XPNPEP1: variants seen among roughly 807,000 people sequenced by gnomAD.
XPNPEP1 encodes the protein X-prolyl aminopeptidase 1.
A neutral mutation model predicts 92.4 loss-of-function variants in XPNPEP1; 39 were observed. The ratio of observed to expected loss-of-function variants is 0.42; its 90% CI spans 0.33 to 0.55. The LOEUF (loss-of-function observed/expected upper bound fraction) is 0.55. Ranked by LOEUF, XPNPEP1 falls within the 20% of genes least tolerant of loss-of-function variation. The probability of loss-of-function intolerance (pLI) is 0.08; values close to 1 mark genes in which losing one functional copy is unlikely to be tolerated. For missense variants in XPNPEP1, 654 were observed against 856.1 expected (o/e 0.76, Z 2.95); for synonymous variants, 307 against 299.4 (o/e 1.03, Z -0.26).
intron 3 of XPNPEP1, among the ~76,000 whole-genome samples, chr10:109,897,556 C>A (rs189529132): frequency 8.1e-4 from 123 of 152,220 alleles, no homozygotes; most frequent in East Asian, 5.6e-3. Flanking sequence ...TATCATCCCT[C>A]GCTAATCTAC....
intron 3 of XPNPEP1, among the ~76,000 whole-genome samples, chr10:109,903,264 A>T (rs941882701): frequency 2.0e-5 from 3 of 152,242 alleles, no homozygotes; most frequent in Non-Finnish European, 2.9e-5. Context: ...AGCAGGTCGA[A>T]TCTTTCTGTA....
chr10:109,865,814 G>A (rs1056704325), intron 20 of XPNPEP1, among the ~76,000 whole-genome samples: 7 of 152,194 alleles, frequency 4.6e-5, no homozygotes, highest in African/African-American at 1.2e-4. Flanking sequence ...CAAAACCTGC[G>A]GTGGTTAAAG....
In XPNPEP1 at chr10:109,891,532, G is replaced by A. The variant is rs115200519; in HGVS notation, c.415+190C>T. Reference sequence around the variant, plus strand: ...AGTAAAATAAGTATCCTGAACCAGCGTCCTCCAAAATTGAATGCACATTGG... The same window carrying A: ...AGTAAAATAAGTATCCTGAACCAGCATCCTCCAAAATTGAATGCACATTGG... On this transcript the variant is annotated intron_variant, in intron 5 of 20. Coordinates refer to ENST00000502935, the MANE Select transcript of XPNPEP1 (RefSeq NM_020383.4). 1,397 of 443,514 alleles carry A rather than the reference G, an allele frequency of 3.1e-3. 17 individuals are homozygous for A. The highest frequency in any genetic ancestry group is 0.024 in the Admixed American group (625 of 25,536). The allele number at this position is 443,514 out of a possible 1,614,324, so 27.5% of individuals were successfully genotyped here. A position where few individuals can be genotyped will look rare whatever the true frequency, so the allele number is the denominator to read the frequency against.
intron 5 of XPNPEP1, among the ~76,000 whole-genome samples, chr10:109,889,557 T>C (rs555631975): frequency 6.6e-6 from 1 of 152,366 alleles, no homozygotes; most frequent in Non-Finnish European, 1.5e-5. Flanking sequence ...ACGCTAGTCA[T>C]AGGACACTAT....
chr10:109,921,471 T>A (rs951411961), intron 1 of XPNPEP1, among the ~76,000 whole-genome samples: 1 of 152,184 alleles, frequency 6.6e-6, no homozygotes, highest in Non-Finnish European at 1.5e-5. Context: ...GCCTTCTCCC[T>A]CTTTTTCCAA....
intron 3 of XPNPEP1, among the ~76,000 whole-genome samples, chr10:109,900,621 G>C (rs544364936): frequency 6.6e-6 from 1 of 151,836 alleles, no homozygotes; most frequent in African/African-American, 2.4e-5. Context: ...CCTCCTCTCC[G>C]CTCCTAACCC....
chr10:109,894,489 T>G (rs1286543595), intron 3 of XPNPEP1, among the ~76,000 whole-genome samples: 1 of 150,942 alleles, frequency 6.6e-6, no homozygotes, highest in Non-Finnish European at 1.5e-5. Flanking sequence ...GGCATGATTG[T>G]GCCACTGTAT....
At chr10:109,917,819 C>G (rs1850274733) in intron 1 of XPNPEP1, among the ~76,000 whole-genome samples, 2 of 152,186 alleles carry the variant, frequency 1.3e-5, no homozygotes, top group Non-Finnish European at 2.9e-5. Flanking sequence ...TCACAACTGT[C>G]AACTGATTTT....
chr10:109,914,129 C>T (rs1850039071), intron 2 of XPNPEP1, among the ~76,000 whole-genome samples: 1 of 151,420 alleles, frequency 6.6e-6, no homozygotes, highest in African/African-American at 2.4e-5. Context: ...GTCGTTAGAG[C>T]AGTACTGGCT....
chr10:109,877,837 G>A lies in XPNPEP1; in HGVS notation c.1272C>T (p.Phe424=). ...RQQADFVDLS[F]PTISSTGPNG... ...TGGGTCCCGTACTGGAAATTGTTGG[G>A]AAGCTCAGGTCCACAAAGTCTGCCT... The change falls in exon 14 of 21, where the codon TTC becomes TTT. Residue 424 remains phenylalanine, a synonymous_variant. Coordinates refer to ENST00000502935, the MANE Select transcript of XPNPEP1 (RefSeq NM_020383.4). The A allele has an allele frequency of 6.2e-7, 1 of 1,614,236 alleles. No homozygotes were observed. The highest frequency in any genetic ancestry group is 2.2e-5 in the East Asian group (1 of 44,886).
intron 3 of XPNPEP1, among the ~76,000 whole-genome samples, chr10:109,906,752 T>C (rs1284892892): frequency 6.6e-6 from 1 of 152,156 alleles, no homozygotes; most frequent in Non-Finnish European, 1.5e-5. Flanking sequence ...GCTTCCCTGT[T>C]TCTTTGCCTT....
chr10:109,918,190 G>C (rs1336943977), intron 1 of XPNPEP1, among the ~76,000 whole-genome samples: 1 of 151,982 alleles, frequency 6.6e-6, no homozygotes, highest in Admixed American at 6.6e-5. Flanking sequence ...GGGAGGCCAA[G>C]GCAGGCAGAC....
At chr10:109,887,075 G>A (rs1451236427) in intron 7 of XPNPEP1, among the ~76,000 whole-genome samples, 1 of 152,098 alleles carries the variant, frequency 6.6e-6, no homozygotes, top group African/African-American at 2.4e-5. Flanking sequence ...CTGTGAGCAG[G>A]GTGGGCATCT....
chr10:109,868,467 G>A, intron 20 of XPNPEP1, 147 bp downstream of exon 20: 1 of 686,200 alleles, frequency 1.5e-6, no homozygotes, highest in South Asian at 2.2e-5. Context: ...AGGGCTTTCA[G>A]ACTCAACTGG....
Position 109,886,432 on chromosome 10 carries a change from A to T in XPNPEP1, c.653-91T>A, listed in dbSNP as rs1848393480. Reference sequence around the variant, plus strand: ...GAACCTACCCTAAACATCTTTAATCAGCACCATTTCTTACAGGAGCACGCT... The same window carrying T: ...GAACCTACCCTAAACATCTTTAATCTGCACCATTTCTTACAGGAGCACGCT... On this transcript the variant is annotated intron_variant, in intron 7 of 20. Coordinates refer to ENST00000502935, the MANE Select transcript of XPNPEP1 (RefSeq NM_020383.4). The T allele has an allele frequency of 4.2e-6, 5 of 1,199,738 alleles. No individual in the cohort carries two copies. The Admixed American group carries it at 1.0e-4, about 24-fold the overall frequency. The allele number at this position is 1,199,738 out of a possible 1,614,324, so 74.3% of individuals were successfully genotyped here.
At chr10:109,876,364 A>G (rs1847787620) in intron 14 of XPNPEP1, 1 of 152,246 alleles carries the variant, frequency 6.6e-6, no homozygotes, top group Non-Finnish European at 1.5e-5. Flanking sequence ...GCACCAGTCC[A>G]CACACAAGCT....
intron 7 of XPNPEP1, 132 bp downstream of exon 7, chr10:109,887,917 T>TG: frequency 1.6e-6 from 2 of 1,276,134 alleles, no homozygotes; most frequent in Admixed American, 3.0e-5. Flanking sequence ...AATATCCCAC[T>TG]GGGGCAGAGT....
chr10:109,916,152 G>A (rs928968195), intron 1 of XPNPEP1, among the ~76,000 whole-genome samples: 2 of 152,210 alleles, frequency 1.3e-5, no homozygotes, highest in Admixed American at 6.5e-5. Context: ...AAGCATCAAG[G>A]AGGTAAGGGG....
chr10:109,921,703 GT>G (rs1464236204), intron 1 of XPNPEP1, among the ~76,000 whole-genome samples: 1 of 152,186 alleles, frequency 6.6e-6, no homozygotes, highest in Non-Finnish European at 1.5e-5. Context: ...GGGAACCTTG[GT>G]TTTCCTTTTG....
Sources: gnomAD v4.1 joint callset for allele counts (sites outside exome capture counted in the v4.1 genomes callset) on GRCh38, gnomAD v4.1.1 for gene constraint, MANE v1.5 for transcripts, NCBI Gene and HGNC (gene_info 2026-07-23, HGNC 2026-07-21) for gene names.